BBX: variants seen among roughly 807,000 people sequenced by gnomAD.
The protein encoded by BBX is HMG box transcription factor BBX.
Under a neutral mutation model 100.2 loss-of-function variants are expected in BBX, and 30 were observed. That is an observed-to-expected ratio of 0.30 (90% CI 0.22 to 0.41). The LOEUF (loss-of-function observed/expected upper bound fraction) is 0.41, where lower values mean the gene tolerates loss of function less well. BBX is among the 10% of genes least tolerant of loss of function. BBX has a pLI of 1.00. For missense variants in BBX, 1,023 were observed against 1,129.8 expected (o/e 0.91, Z 1.35); for synonymous variants, 376 against 388.1 (o/e 0.97, Z 0.37).
At chr3:107,646,234 A>G (rs1480203219) in intron 3 of BBX, 2 of 151,822 alleles carry the variant, frequency 1.3e-5, no homozygotes, top group African/African-American at 2.4e-5. Context: ...CTAAATAGGT[A>G]TTAAATTGAT....
intron 2 of BBX, among the ~76,000 whole-genome samples, chr3:107,587,830 T>TGG (rs2052978565): frequency 6.6e-6 from 1 of 152,230 alleles, no homozygotes; most frequent in African/African-American, 2.4e-5. Context: ...AATCCACCCA[T>TGG]TTATTCATTC....
chr3:107,787,222 C>G (rs1216177392), intron 13 of BBX, among the ~76,000 whole-genome samples: 2 of 152,106 alleles, frequency 1.3e-5, no homozygotes, highest in African/African-American at 4.8e-5. Flanking sequence ...GTCTTGATCT[C>G]TTGATGTCGT....
intron 2 of BBX, among the ~76,000 whole-genome samples, chr3:107,612,722 G>A (rs1428735808): frequency 6.6e-6 from 1 of 152,126 alleles, no homozygotes; most frequent in Non-Finnish European, 1.5e-5. Context: ...GGGTCTTGCC[G>A]AGGCCTGCTG....
intron 7 of BBX, among the ~76,000 whole-genome samples, chr3:107,737,822 A>G (rs934265980): frequency 1.4e-4 from 21 of 151,398 alleles, no homozygotes; most frequent in Middle Eastern, 3.5e-3. Flanking sequence ...TTAAAATCCA[A>G]AAATATAGGT....
chr3:107,566,465 A>G (rs868029075), intron 2 of BBX, among the ~76,000 whole-genome samples: 2 of 151,970 alleles, frequency 1.3e-5, no homozygotes, highest in African/African-American at 4.8e-5. Flanking sequence ...ATAATTTTCT[A>G]TAACCTCTCT....
At chr3:107,564,763 A>G (rs1255325092) in intron 2 of BBX, among the ~76,000 whole-genome samples, 1 of 152,200 alleles carries the variant, frequency 6.6e-6, no homozygotes, top group Non-Finnish European at 1.5e-5. Context: ...TTATAGCTTT[A>G]TAATCCTCTT....
At chr3:107,771,120 T>C (rs2066874220) in intron 10 of BBX, among the ~76,000 whole-genome samples, 1 of 152,204 alleles carries the variant, frequency 6.6e-6, no homozygotes, top group African/African-American at 2.4e-5. Context: ...ACTTCCTTGC[T>C]GCCCTTGACC....
At chr3:107,621,687 A>C (rs2055780373) in intron 2 of BBX, among the ~76,000 whole-genome samples, 1 of 152,090 alleles carries the variant, frequency 6.6e-6, no homozygotes, top group South Asian at 2.1e-4. Context: ...TTTTCTTTCC[A>C]TGTGCTATTT....
At chr3:107,543,748 CA>C (rs961179855) in intron 2 of BBX, among the ~76,000 whole-genome samples, 4 of 152,160 alleles carry the variant, frequency 2.6e-5, no homozygotes, top group African/African-American at 7.2e-5. Context: ...TAATCTTAAG[CA>C]AAAGAGTCTT....
intron 3 of BBX, among the ~76,000 whole-genome samples, chr3:107,660,668 G>C (rs1264273857): frequency 3.9e-5 from 6 of 152,014 alleles, no homozygotes; most frequent in Non-Finnish European, 7.4e-5. Context: ...AAATTTCTTT[G>C]TGTTCTTATT....
chr3:107,628,476 A>G lies in BBX; in HGVS notation c.-83-17360A>G, dbSNP rs73206925. Among the ~76,000 whole-genome samples the G allele has an allele frequency of 5.7e-3, 867 of 152,242 alleles. 2 individuals are homozygous for G. Among genetic ancestry groups the G allele is most frequent in the Non-Finnish European group, 8.8e-3 (600 of 67,966 alleles). ...AACTAATCATTTGAAGCCTCTCAGT[A>G]AAGAAAGAAGTTGAAATAGATTAAA... On this transcript the variant is annotated intron_variant, in intron 2 of 17. Transcript: ENST00000325805.
intron 2 of BBX, among the ~76,000 whole-genome samples, chr3:107,568,697 T>G (rs1013601902): frequency 1.3e-5 from 2 of 152,204 alleles, no homozygotes; most frequent in African/African-American, 4.8e-5. Flanking sequence ...CTTTATTTCT[T>G]TCTTTTGCAT....
chr3:107,804,635 A>G lies in BBX; in HGVS notation c.2739-735A>G, dbSNP rs79801045. Among the ~76,000 whole-genome samples the G allele has an allele frequency of 4.3e-3, 658 of 152,246 alleles. 9 individuals are homozygous for G. The highest frequency in any genetic ancestry group is 0.026 in the East Asian group (136 of 5,178). On this transcript the variant is annotated intron_variant, in intron 17 of 17. Transcript: ENST00000325805. ...GCATAGGTTCTATCCAAATGATGAA[A>G]ATTTCCATGAATTTTCTAGTCCTGT...
chr3:107,684,303 G>A (rs2059722701), intron 3 of BBX, among the ~76,000 whole-genome samples: 1 of 152,160 alleles, frequency 6.6e-6, no homozygotes, highest in Non-Finnish European at 1.5e-5. Context: ...CAGTAAGTAT[G>A]AAAGGTTAAG....
intron 2 of BBX, among the ~76,000 whole-genome samples, chr3:107,551,613 A>G (rs16853606): frequency 0.18 from 27,794 of 152,208 alleles, 4,119 homozygotes; most frequent in East Asian, 0.81. Flanking sequence ...ATTTGTGTGT[A>G]AGGGAATATA....
chr3:107,772,371 T>C (rs982658676), intron 10 of BBX, among the ~76,000 whole-genome samples: 1 of 152,178 alleles, frequency 6.6e-6, no homozygotes. Context: ...CTTGTTTTCA[T>C]AGGAAAAGCT....
intron 10 of BBX, among the ~76,000 whole-genome samples, chr3:107,767,600 C>G (rs1036348360): frequency 6.6e-6 from 1 of 152,030 alleles, no homozygotes; most frequent in East Asian, 1.9e-4. Context: ...AAAGAATAAG[C>G]CTGATTTCTC....
At chr3:107,559,199 C>T (rs559706566) in intron 2 of BBX, among the ~76,000 whole-genome samples, 34 of 152,100 alleles carry the variant, frequency 2.2e-4, no homozygotes, top group African/African-American at 7.5e-4. Context: ...TGGGAAATGA[C>T]GTAATCAGAG....
chr3:107,641,769 A>G (rs966229113), intron 2 of BBX: 12 of 152,236 alleles, frequency 7.9e-5, no homozygotes, highest in Admixed American at 2.0e-4. Context: ...CATTCTCAGT[A>G]TAGCTGTCAT....
Sources: gnomAD v4.1 joint callset for allele counts (sites outside exome capture counted in the v4.1 genomes callset) on GRCh38, gnomAD v4.1.1 for gene constraint, MANE v1.5 for transcripts, NCBI Gene and HGNC (gene_info 2026-07-23, HGNC 2026-07-21) for gene names.